NARS2: variants seen among roughly 807,000 people sequenced by gnomAD.
NARS2 encodes asparaginyl-tRNA synthetase.
NARS2 carries 60 observed loss-of-function variants against 62.9 expected under a neutral mutation model. The observed-to-expected ratio is 0.95, with a 90% CI of 0.77 to 1.18. The LOEUF (loss-of-function observed/expected upper bound fraction) is 1.18. Ranked by LOEUF, NARS2 falls within the 50% of genes most tolerant of loss-of-function variation. The probability of loss-of-function intolerance (pLI) is 0.00; values close to 1 mark genes in which losing one functional copy is unlikely to be tolerated. For missense variants in NARS2, 619 were observed against 576.4 expected (o/e 1.07, Z -0.76); for synonymous variants, 196 against 200.0 (o/e 0.98, Z 0.17).
At chr11:78,538,099 T>C (rs1855438441) in intron 5 of NARS2, among the ~76,000 whole-genome samples, 1 of 152,220 alleles carries the variant, frequency 6.6e-6, no homozygotes, top group Admixed American at 6.5e-5. Flanking sequence ...GGGGTATCCA[T>C]GCTCTATATG....
intron 7 of NARS2, among the ~76,000 whole-genome samples, chr11:78,480,715 A>C (rs1208635987): frequency 1.3e-5 from 2 of 152,126 alleles, no homozygotes; most frequent in Non-Finnish European, 2.9e-5. Flanking sequence ...GGAAAAAAGA[A>C]TCAAAAGACT....
chr11:78,500,122 C>T (rs1860228544), intron 6 of NARS2, among the ~76,000 whole-genome samples: 1 of 152,146 alleles, frequency 6.6e-6, no homozygotes, highest in South Asian at 2.1e-4. Flanking sequence ...GTAGAGGAGT[C>T]ATTATAGCAT....
intron 6 of NARS2, among the ~76,000 whole-genome samples, chr11:78,498,655 A>G (rs1276421116): frequency 1.4e-5 from 2 of 143,590 alleles, no homozygotes; most frequent in Non-Finnish European, 3.0e-5. Context: ...TCCTAGGCCA[A>G]TCTTCCCAAT....
chr11:78,467,823 G>A (rs79053377), intron 10 of NARS2, among the ~76,000 whole-genome samples: 2,503 of 151,874 alleles, frequency 0.016, 69 homozygotes, highest in African/African-American at 0.058. Context: ...TCATCATGTC[G>A]TATACCCTGA....
At chr11:78,521,124 T>G (rs58790292) in intron 6 of NARS2, among the ~76,000 whole-genome samples, 1 of 150,094 alleles carries the variant, frequency 6.7e-6, no homozygotes, top group Admixed American at 6.6e-5. Flanking sequence ...GTAAGATAAA[T>G]TGTCAACATT....
intron 6 of NARS2, among the ~76,000 whole-genome samples, chr11:78,504,436 T>TTAG: frequency 8.4e-6 from 1 of 118,958 alleles, no homozygotes; most frequent in Admixed American, 7.9e-5. Context: ...AAACACCAGT[T>TTAG]TTTTTTTTTT....
rs183576982 is a variant in NARS2, at chr11:78,548,984, C to G, written c.594+10555G>C. ...GCTTGGCAAGACAGAAACTCTACCC[C>G]CCAATTAGAGCCAAGATCACAGGGC... On this transcript the variant is annotated intron_variant, in intron 5 of 13. Coordinates refer to ENST00000281038, the MANE Select transcript of NARS2 (RefSeq NM_024678.6). Among the ~76,000 whole-genome samples the G allele has an allele frequency of 6.2e-3, 942 of 152,286 alleles. 4 individuals are homozygous for G. The highest frequency in any genetic ancestry group is 0.031 in the Middle Eastern group (9 of 294).
At chr11:78,560,465 G>A (rs1299713771) in intron 4 of NARS2, among the ~76,000 whole-genome samples, 21 of 152,226 alleles carry the variant, frequency 1.4e-4, no homozygotes, top group Non-Finnish European at 2.9e-4. Flanking sequence ...GATGTTTGCA[G>A]GGTGGGACTG....
intron 5 of NARS2, among the ~76,000 whole-genome samples, chr11:78,539,696 C>T (rs1255497086): frequency 6.6e-6 from 1 of 152,148 alleles, no homozygotes; most frequent in Non-Finnish European, 1.5e-5. Context: ...CAGATTAGTG[C>T]TTCTCATTGA....
chr11:78,460,656 C>A (rs942614337), intron 11 of NARS2, among the ~76,000 whole-genome samples: 2 of 152,190 alleles, frequency 1.3e-5, no homozygotes, highest in South Asian at 2.1e-4. Context: ...CTGGCATGTA[C>A]AATTAGATGA....
chr11:78,520,009 G>C (rs1038838330), intron 6 of NARS2, among the ~76,000 whole-genome samples: 1 of 151,420 alleles, frequency 6.6e-6, no homozygotes, highest in Non-Finnish European at 1.5e-5. Flanking sequence ...TGAGTTTCTT[G>C]GTCAAACAGT....
At chr11:78,502,358 T>G (rs963549337) in intron 6 of NARS2, among the ~76,000 whole-genome samples, 1 of 152,256 alleles carries the variant, frequency 6.6e-6, no homozygotes, top group Non-Finnish European at 1.5e-5. Flanking sequence ...TCTTGCTATG[T>G]CCTCATGTGG....
chr11:78,473,817 G>A (rs1387812192), intron 9 of NARS2, among the ~76,000 whole-genome samples: 1 of 152,222 alleles, frequency 6.6e-6, no homozygotes, highest in African/African-American at 2.4e-5. Flanking sequence ...CATTAAGGGT[G>A]TAGTCCTTGA....
chr11:78,492,143 A>G (rs1052398187), intron 7 of NARS2, among the ~76,000 whole-genome samples: 5 of 150,990 alleles, frequency 3.3e-5, no homozygotes, highest in African/African-American at 1.2e-4. Context: ...ACATATATAG[A>G]TTTTATCTAC....
intron 4 of NARS2, 124 bp from the exon 5 acceptor site, chr11:78,559,743 C>T: frequency 1.6e-6 from 1 of 632,596 alleles, no homozygotes; most frequent in South Asian, 2.0e-5. Flanking sequence ...CCCTAATCCC[C>T]TAAATATTAA....
At chr11:78,522,482 C>T (rs909740694) in intron 6 of NARS2, among the ~76,000 whole-genome samples, 1 of 152,112 alleles carries the variant, frequency 6.6e-6, no homozygotes, top group African/African-American at 2.4e-5. Context: ...TTTGGACCAT[C>T]CCATTTTCTA....
At chr11:78,479,168 A>C (rs1292317371) in intron 7 of NARS2, among the ~76,000 whole-genome samples, 1 of 152,222 alleles carries the variant, frequency 6.6e-6, no homozygotes, top group Non-Finnish European at 1.5e-5. Context: ...TTGGTAAATG[A>C]AAGTCAACTT....
At chr11:78,470,966 C>T (rs1432776437) in intron 9 of NARS2, among the ~76,000 whole-genome samples, 1 of 145,986 alleles carries the variant, frequency 6.8e-6, no homozygotes, top group Non-Finnish European at 1.5e-5. Context: ...CCAGCACAAA[C>T]TTGTTCTCTG....
chr11:78,459,831 T>G (rs1396917226), intron 11 of NARS2, among the ~76,000 whole-genome samples: 1 of 152,350 alleles, frequency 6.6e-6, no homozygotes, highest in East Asian at 1.9e-4. Context: ...TGCACATAGA[T>G]GTAAAATTAC....
Sources: gnomAD v4.1 joint callset for allele counts (sites outside exome capture counted in the v4.1 genomes callset) on GRCh38, gnomAD v4.1.1 for gene constraint, MANE v1.5 for transcripts, NCBI Gene and HGNC (gene_info 2026-07-23, HGNC 2026-07-21) for gene names.